The following ANGPT2 variants were observed in gnomAD, a reference collection of about 807,000 sequenced individuals.
ANGPT2 encodes angiopoietin-2.
ANGPT2 carries 28 observed loss-of-function variants against 62.9 expected under a neutral mutation model. The observed-to-expected ratio is 0.44, with a 90% CI of 0.33 to 0.61. The LOEUF is 0.61. ANGPT2 is among the 20% of genes least tolerant of loss of function. The pLI, the probability that ANGPT2 is intolerant of heterozygous loss-of-function variation, is 0.03. For synonymous variants in ANGPT2, 284 were observed against 207.8 expected (o/e 1.37, Z -3.15); for missense variants, 727 against 594.9 (o/e 1.22, Z -2.31).
rs116769030 is a variant in ANGPT2 at position 6,541,660 on chromosome 8, T to C, written c.289-9173A>G. ...CAGCTTAGAAGATAGTAGTGATGTT[T>C]TCCCTACAGAGATAGAAGAAAATAT... On this transcript the variant is annotated intron_variant, in intron 1 of 8. Coordinates refer to ENST00000629816, the MANE Select transcript of ANGPT2 (RefSeq NM_001118887.2). Among the ~76,000 whole-genome samples the C allele has an allele frequency of 5.2e-3, 785 of 152,350 alleles. 6 individuals carry two copies. Among genetic ancestry groups the C allele is most frequent in the African/African-American group, 0.018 (731 of 41,580 alleles).
intron 8 of ANGPT2, among the ~76,000 whole-genome samples, chr8:6,504,762 T>C (rs1405936545): frequency 2.0e-5 from 3 of 152,168 alleles, no homozygotes; most frequent in African/African-American, 7.2e-5. Flanking sequence ...TATTCAGTTT[T>C]ATTATTGTTA....
At chr8:6,518,869 C>G (rs978787124) in intron 5 of ANGPT2, among the ~76,000 whole-genome samples, 2 of 152,034 alleles carry the variant, frequency 1.3e-5, no homozygotes, top group African/African-American at 4.8e-5. Context: ...TCTTCCCTAT[C>G]AAATGTTTAA....
In ANGPT2 at chr8:6,555,409, C is replaced by G. The variant is rs117213227; in HGVS notation, c.288+7238G>C. Among the ~76,000 whole-genome samples the G allele has an allele frequency of 6.6e-4, 101 of 152,058 alleles. 2 individuals carry two copies. In the East Asian group the frequency reaches 0.015, roughly 23 times the overall value. ...TAGATGTATGGTTTGTAAGAATATC[C>G]CATGTATACTTCCTCTTGGTTATAA... On this transcript the variant is annotated intron_variant, in intron 1 of 8. Coordinates refer to ENST00000629816, the MANE Select transcript of ANGPT2 (RefSeq NM_001118887.2).
intron 7 of ANGPT2, among the ~76,000 whole-genome samples, chr8:6,510,062 G>A (rs1814689582): frequency 6.6e-6 from 1 of 152,144 alleles, no homozygotes; most frequent in Non-Finnish European, 1.5e-5. Context: ...ACCATTGTAA[G>A]CTGAATTGCA....
At chr8:6,505,707 A>G (rs1280907422) in intron 8 of ANGPT2, among the ~76,000 whole-genome samples, 23 of 91,246 alleles carry the variant, frequency 2.5e-4, no homozygotes, top group African/African-American at 6.6e-4. Flanking sequence ...ATTCTTTATT[A>G]CGTATATATA....
intron 1 of ANGPT2, among the ~76,000 whole-genome samples, chr8:6,541,273 T>C (rs1821509047): frequency 6.6e-6 from 1 of 152,006 alleles, no homozygotes; most frequent in African/African-American, 2.4e-5. Context: ...AAATGAGGCT[T>C]AGAGAAAGTC....
chr8:6,534,089 A>G (rs1191912574), intron 1 of ANGPT2, among the ~76,000 whole-genome samples: 1 of 152,144 alleles, frequency 6.6e-6, no homozygotes, highest in Non-Finnish European at 1.5e-5. Flanking sequence ...CCTCCCTGGC[A>G]GTCGTTCTCC....
At chr8:6,555,269 G>C (rs1266300679) in intron 1 of ANGPT2, among the ~76,000 whole-genome samples, 1 of 152,116 alleles carries the variant, frequency 6.6e-6, no homozygotes, top group Non-Finnish European at 1.5e-5. Context: ...CTAATAGTGG[G>C]AAGAGAAGGC....
chr8:6,531,103 G>C lies in ANGPT2; in HGVS notation c.444+1229C>G, dbSNP rs537828302. 1.3e-5 allele frequency among the ~76,000 whole-genome samples: 2 copies of C among 152,274 alleles called. 1 individual carries two copies. Among genetic ancestry groups the C allele is most frequent in the South Asian group, 4.2e-4 (2 of 4,818 alleles). On this transcript the variant is annotated intron_variant, in intron 2 of 8. Coordinates refer to ENST00000629816, the MANE Select transcript of ANGPT2 (RefSeq NM_001118887.2). The stretch of plus-strand genomic sequence containing the variant: ...GTCAGAAAGCGGGCTTGGCCGCCGA[G>C]AGTCACGACCACGGCCTTGAGCTTG...
chr8:6,515,222 C>T (rs948274929), intron 5 of ANGPT2, among the ~76,000 whole-genome samples: 3 of 151,996 alleles, frequency 2.0e-5, no homozygotes, highest in Non-Finnish European at 2.9e-5. Context: ...CCCTGCCCCT[C>T]CACAGAGAGC....
intron 1 of ANGPT2, among the ~76,000 whole-genome samples, chr8:6,554,899 G>C (rs2515500): frequency 0.98 from 149,684 of 152,266 alleles, 73,623 homozygotes; most frequent in East Asian, 1. Context: ...CTTTTGTCAA[G>C]TGGTGCAAGG....
intron 1 of ANGPT2, among the ~76,000 whole-genome samples, chr8:6,548,452 G>A (rs541271715): frequency 4.6e-5 from 7 of 152,216 alleles, no homozygotes; most frequent in African/African-American, 1.2e-4. Context: ...CCCAGTGGTC[G>A]CTAGCTCTCC....
intron 4 of ANGPT2, among the ~76,000 whole-genome samples, chr8:6,520,443 G>T (rs147444071): frequency 6.6e-6 from 1 of 152,102 alleles, no homozygotes; most frequent in East Asian, 1.9e-4. Flanking sequence ...TGAGGACATA[G>T]TGGGGTGCAG....
At chr8:6,506,789 T>C (rs1187220271) in intron 8 of ANGPT2, among the ~76,000 whole-genome samples, 45 of 152,226 alleles carry the variant, frequency 3.0e-4, no homozygotes, top group Non-Finnish European at 8.8e-5. Flanking sequence ...TTTTTTTTTT[T>C]TTTTAATGAG....
At chr8:6,537,475 C>G (rs999299062) in intron 1 of ANGPT2, among the ~76,000 whole-genome samples, 13 of 151,652 alleles carry the variant, frequency 8.6e-5, no homozygotes, top group African/African-American at 3.2e-4. Context: ...GAGTTGCGCC[C>G]CAGACATAGT....
At position 6,508,775 on chromosome 8, in the gene ANGPT2, A is replaced by G. The variant is rs184758175; in HGVS notation, c.1327+157T>C. 58 of 1,082,084 alleles carry G rather than the reference A, an allele frequency of 5.4e-5. 1 individual carries two copies. The Admixed American group carries it at 1.0e-3, about 19-fold the overall frequency. The allele number at this position is 1,082,084 out of a possible 1,614,324, so 67.0% of individuals were successfully genotyped here. On this transcript the variant is annotated intron_variant, in intron 8 of 8. Transcript: ENST00000629816. The stretch of plus-strand genomic sequence containing the variant: ...TCTCACTTAAAACTTAGTCTAAAAA[A>G]AGTGAAAAACACATTTACCTATATC...
Position 6,523,652 on chromosome 8 carries a change from C to G in ANGPT2, c.567-2242G>C, listed in dbSNP as rs1246278345. ...TGGCCTGGGCTGTTGTGCAGTGGCG[C>G]GATCTCAGCTCGCTGCAACCTCCGC... is the stretch of plus-strand genomic sequence containing the variant. On this transcript the variant is annotated intron_variant, in intron 3 of 8. Coordinates refer to ENST00000629816, the MANE Select transcript of ANGPT2 (RefSeq NM_001118887.2). 4.6e-5 allele frequency among the ~76,000 whole-genome samples: 7 copies of G among 152,088 alleles called. No individual in the cohort carries two copies. In the East Asian group the frequency reaches 1.4e-3, roughly 29 times the overall value.
chr8:6,514,142 A>G (rs1815753683), intron 6 of ANGPT2, among the ~76,000 whole-genome samples: 1 of 152,226 alleles, frequency 6.6e-6, no homozygotes. Context: ...ACCATTAAAC[A>G]GTCGGCTTAC....
chr8:6,540,181 A>AT (rs891324438), intron 1 of ANGPT2, among the ~76,000 whole-genome samples: 6 of 151,938 alleles, frequency 3.9e-5, no homozygotes, highest in African/African-American at 1.2e-4. Flanking sequence ...CTTTGCATTA[A>AT]TTTTTTTCAC....
Sources: allele counts gnomAD v4.1 joint callset (sites outside exome capture counted in the v4.1 genomes callset), GRCh38; gene constraint gnomAD v4.1.1; transcripts MANE v1.5; gene names NCBI Gene and HGNC (gene_info 2026-07-23, HGNC 2026-07-21).